PPP2R5A: variants seen among roughly 807,000 people sequenced by gnomAD.
PPP2R5A encodes serine/threonine-protein phosphatase 2A 56 kDa regulatory subunit alpha isoform.
PPP2R5A carries 25 observed loss-of-function variants against 64.2 expected under a neutral mutation model. That is an observed-to-expected ratio of 0.39 (90% CI 0.28 to 0.54). The LOEUF is 0.54. Among genes scored for constraint, PPP2R5A ranks in the 20% least tolerant of loss-of-function variants. The probability of loss-of-function intolerance (pLI) is 0.67; values close to 1 mark genes in which losing one functional copy is unlikely to be tolerated. For missense variants in PPP2R5A, 425 were observed against 576.3 expected (o/e 0.74, Z 2.69); for synonymous variants, 198 against 201.2 (o/e 0.98, Z 0.13).
chr1:212,292,392 C>G (rs914558142), intron 1 of PPP2R5A, among the ~76,000 whole-genome samples: 1 of 152,080 alleles, frequency 6.6e-6, no homozygotes, highest in Admixed American at 6.5e-5. Flanking sequence ...TTTTCAAATC[C>G]TGTTATGGTA....
At chr1:212,318,650 T>A (rs558322078) in intron 1 of PPP2R5A, among the ~76,000 whole-genome samples, 17 of 152,338 alleles carry the variant, frequency 1.1e-4, no homozygotes, top group Non-Finnish European at 2.1e-4. Context: ...CAGTTGGCCC[T>A]CCATATCTGT....
At chr1:212,311,059 A>G (rs1403562224) in intron 1 of PPP2R5A, among the ~76,000 whole-genome samples, 1 of 152,220 alleles carries the variant, frequency 6.6e-6, no homozygotes, top group Non-Finnish European at 1.5e-5. Context: ...CCAAAATATT[A>G]CAGTGGAGCT....
chr1:212,294,393 T>A (rs988269786), intron 1 of PPP2R5A, among the ~76,000 whole-genome samples: 2 of 152,220 alleles, frequency 1.3e-5, no homozygotes, highest in African/African-American at 4.8e-5. Context: ...AAGAAAAATA[T>A]CTATTGAAGT....
intron 1 of PPP2R5A, among the ~76,000 whole-genome samples, chr1:212,307,331 T>C (rs1311052951): frequency 6.6e-6 from 1 of 152,132 alleles, no homozygotes; most frequent in East Asian, 1.9e-4. Context: ...GCTTCAAATT[T>C]ATACAAGCTT....
intron 1 of PPP2R5A, among the ~76,000 whole-genome samples, chr1:212,286,612 C>T (rs1278684664): frequency 6.6e-6 from 1 of 152,224 alleles, no homozygotes; most frequent in East Asian, 1.9e-4. Flanking sequence ...TCCTTCACTC[C>T]TCTTCCAGGT....
intron 4 of PPP2R5A, among the ~76,000 whole-genome samples, chr1:212,344,850 T>G (rs1659745989): frequency 6.6e-6 from 1 of 152,142 alleles, no homozygotes; most frequent in Non-Finnish European, 1.5e-5. Flanking sequence ...GTTTAAAATT[T>G]TTCAGCTATT....
intron 8 of PPP2R5A, among the ~76,000 whole-genome samples, chr1:212,350,530 T>TGGGCATGGTGGCACAGGGCATG: frequency 6.6e-6 from 1 of 152,116 alleles, no homozygotes; most frequent in African/African-American, 2.4e-5. Context: ...GGCACAGGCC[T>TGGGCATGGTGGCACAGGGCATG]GTGGTCCCAG....
intron 1 of PPP2R5A, among the ~76,000 whole-genome samples, chr1:212,296,113 T>G (rs1042414902): frequency 6.6e-6 from 1 of 151,648 alleles, no homozygotes; most frequent in African/African-American, 2.4e-5. Flanking sequence ...ATGAATTGTT[T>G]GGGAGGAGAT....
chr1:212,358,847 C>A, intron 12 of PPP2R5A, 60 bp downstream of exon 12: 1 of 1,375,214 alleles, frequency 7.3e-7, no homozygotes, highest in South Asian at 1.2e-5. Flanking sequence ...GAATGTGATT[C>A]AGTTCAGGAA....
At chr1:212,302,015 T>A in intron 1 of PPP2R5A, 1 of 1,503,058 alleles carries the variant, frequency 6.7e-7, no homozygotes, top group Non-Finnish European at 8.9e-7. Context: ...TTGAAATAAC[T>A]TGGTTATCAC....
At chr1:212,336,623 G>A (rs914912740) in intron 3 of PPP2R5A, among the ~76,000 whole-genome samples, 1 of 152,144 alleles carries the variant, frequency 6.6e-6, no homozygotes, top group Non-Finnish European at 1.5e-5. Context: ...TCAGAAACTG[G>A]TAGATACTAA....
chr1:212,343,114 AT>A (rs56845610), intron 4 of PPP2R5A, among the ~76,000 whole-genome samples: 1 of 149,250 alleles, frequency 6.7e-6, no homozygotes, highest in Non-Finnish European at 1.5e-5. Flanking sequence ...TGCCCGGCTG[AT>A]TTTTTTTTTC....
chr1:212,350,894 T>C (rs989559930), intron 8 of PPP2R5A, among the ~76,000 whole-genome samples: 1 of 151,576 alleles, frequency 6.6e-6, no homozygotes, highest in Non-Finnish European at 1.5e-5. Flanking sequence ...TCCCAGCACT[T>C]TGGGAGGCCG....
intron 1 of PPP2R5A, chr1:212,299,309 T>G (rs576613198): frequency 7.9e-5 from 12 of 152,352 alleles, no homozygotes; most frequent in Admixed American, 7.2e-4. Flanking sequence ...TCAGCACATT[T>G]GTGTCACAGT....
At chr1:212,292,386 C>T (rs1054498262) in intron 1 of PPP2R5A, among the ~76,000 whole-genome samples, 1 of 152,110 alleles carries the variant, frequency 6.6e-6, no homozygotes, top group Non-Finnish European at 1.5e-5. Flanking sequence ...TCTGTTTTTT[C>T]AAATCCTGTT....
chr1:212,333,487 T>C lies in PPP2R5A; in HGVS notation c.379-10T>C. 1.4e-6 allele frequency: 2 copies of C among 1,473,822 alleles called. No homozygotes were observed. Among genetic ancestry groups the C allele is most frequent in the Non-Finnish European group, 9.2e-7 (1 of 1,092,070 alleles). 91.3% of individuals were successfully genotyped at this position (1,473,822 alleles called of 1,614,324 possible). A position where few individuals can be genotyped will look rare whatever the true frequency, so the allele number is the denominator to read the frequency against. ...ACAACAACGAACGTAAAATTATTTTTTCTTTACAGATCAGTGCTAACATCT... is the reference window on the plus strand; with the variant it reads ...ACAACAACGAACGTAAAATTATTTTCTCTTTACAGATCAGTGCTAACATCT... On this transcript the variant is annotated splice_polypyrimidine_tract_variant and intron_variant, in intron 2 of 12. Coordinates refer to ENST00000261461, the MANE Select transcript of PPP2R5A (RefSeq NM_006243.4).
At chr1:212,320,554 G>A (rs1235007864) in intron 1 of PPP2R5A, among the ~76,000 whole-genome samples, 2 of 141,874 alleles carry the variant, frequency 1.4e-5, no homozygotes, top group East Asian at 4.3e-4. Context: ...TCCCAGACGG[G>A]GCGGCTGTCC....
chr1:212,320,402 C>A (rs991951820), intron 1 of PPP2R5A, among the ~76,000 whole-genome samples: 8 of 152,304 alleles, frequency 5.3e-5, no homozygotes, highest in East Asian at 1.9e-4. Context: ...ACCTTTCCCC[C>A]CTTTCTATTC....
At chr1:212,291,471 G>A (rs1411321427) in intron 1 of PPP2R5A, among the ~76,000 whole-genome samples, 2 of 152,164 alleles carry the variant, frequency 1.3e-5, no homozygotes, top group African/African-American at 4.8e-5. Flanking sequence ...ATTGGCCTAA[G>A]GTAAAATCCA....
Sources: gnomAD v4.1 joint callset for allele counts (sites outside exome capture counted in the v4.1 genomes callset) on GRCh38, gnomAD v4.1.1 for gene constraint, MANE v1.5 for transcripts, NCBI Gene and HGNC (gene_info 2026-07-23, HGNC 2026-07-21) for gene names.